The following CCDC178 variants were observed in gnomAD, a reference collection of about 807,000 sequenced individuals.
CCDC178 encodes the protein coiled-coil domain-containing protein 178.
Under a neutral mutation model 117.4 loss-of-function variants are expected in CCDC178, and 126 were observed. The observed-to-expected ratio is 1.07, with a 90% CI of 0.93 to 1.24. The LOEUF is 1.24. Ranked by LOEUF, CCDC178 falls within the 50% of genes most tolerant of loss-of-function variation. The pLI is 0.00. For synonymous variants in CCDC178, 283 were observed against 313.4 expected (o/e 0.90, Z 1.02); for missense variants, 1,030 against 986.9 (o/e 1.04, Z -0.59).
chr18:33,025,931 G>A (rs995789478), intron 21 of CCDC178, among the ~76,000 whole-genome samples: 6 of 151,996 alleles, frequency 3.9e-5, no homozygotes, highest in Non-Finnish European at 7.4e-5. Context: ...GTTTATAGGA[G>A]CTTTATTCAT....
chr18:33,297,892 A>T (rs1274524634), intron 11 of CCDC178, among the ~76,000 whole-genome samples: 3 of 152,066 alleles, frequency 2.0e-5, no homozygotes. Flanking sequence ...ATACAAAAAA[A>T]TTCGCCAGAC....
intron 11 of CCDC178, among the ~76,000 whole-genome samples, chr18:33,300,314 A>C (rs992540858): frequency 3.3e-5 from 5 of 152,212 alleles, no homozygotes; most frequent in African/African-American, 1.2e-4. Context: ...CAAATTACCC[A>C]GTCTCAGGTA....
chr18:33,420,909 A>G (rs1319905190), intron 2 of CCDC178, among the ~76,000 whole-genome samples: 1 of 152,234 alleles, frequency 6.6e-6, no homozygotes, highest in East Asian at 1.9e-4. Flanking sequence ...AATAACCTAT[A>G]TAAAAGAATA....
intron 20 of CCDC178, among the ~76,000 whole-genome samples, chr18:33,199,095 A>G (rs2058964858): frequency 1.3e-5 from 2 of 152,000 alleles, no homozygotes; most frequent in Non-Finnish European, 2.9e-5. Context: ...GCTATATTTT[A>G]TCCTTATTTC....
At chr18:33,094,820 C>T (rs1414069755) in intron 20 of CCDC178, among the ~76,000 whole-genome samples, 2 of 152,066 alleles carry the variant, frequency 1.3e-5, no homozygotes, top group African/African-American at 4.8e-5. Flanking sequence ...CAAAACGTTA[C>T]ATCAGTCACA....
chr18:32,971,234 T>C (rs1285956297), intron 22 of CCDC178, among the ~76,000 whole-genome samples: 1 of 151,942 alleles, frequency 6.6e-6, no homozygotes, highest in Non-Finnish European at 1.5e-5. Flanking sequence ...CCATGTGTTC[T>C]CATTGTTCAA....
intron 6 of CCDC178, 47 bp from the exon 7 acceptor site, chr18:33,356,393 A>T (rs2063058276): frequency 1.4e-6 from 2 of 1,409,656 alleles, no homozygotes; most frequent in African/African-American, 1.5e-5. Flanking sequence ...TAAACATATT[A>T]AAAAACTGAA....
chr18:33,218,782 G>T (rs2059197631), intron 18 of CCDC178, among the ~76,000 whole-genome samples: 1 of 152,044 alleles, frequency 6.6e-6, no homozygotes, highest in East Asian at 1.9e-4. Flanking sequence ...AATTATTTCT[G>T]AGGGCTCTGC....
At chr18:33,022,291 A>T (rs2056138333) in intron 21 of CCDC178, among the ~76,000 whole-genome samples, 12 of 152,182 alleles carry the variant, frequency 7.9e-5, no homozygotes, top group Admixed American at 7.9e-4. Context: ...AAGGAAGAAA[A>T]CTTAGAACGT....
intron 5 of CCDC178, among the ~76,000 whole-genome samples, chr18:33,381,214 A>G (rs2063435180): frequency 6.6e-6 from 1 of 152,144 alleles, no homozygotes; most frequent in South Asian, 2.1e-4. Flanking sequence ...AGCCTGAACA[A>G]TAGTAATAAG....
At chr18:33,004,167 A>G (rs1301194346) in intron 21 of CCDC178, among the ~76,000 whole-genome samples, 1 of 152,192 alleles carries the variant, frequency 6.6e-6, no homozygotes, top group East Asian at 1.9e-4. Flanking sequence ...GAAATAGAAA[A>G]AACAATCCTA....
chr18:32,986,827 T>C (rs903609264), intron 21 of CCDC178, among the ~76,000 whole-genome samples: 5 of 152,084 alleles, frequency 3.3e-5, no homozygotes, highest in Admixed American at 2.6e-4. Context: ...CAATATTATG[T>C]ATGTCTGAAG....
chr18:33,202,341 C>T (rs1456796965), intron 20 of CCDC178, among the ~76,000 whole-genome samples: 1 of 131,392 alleles, frequency 7.6e-6, no homozygotes, highest in African/African-American at 2.8e-5. Context: ...TGCAGTGAGC[C>T]GAGATCGCGC....
At chr18:33,357,707 T>A (rs2063075065) in intron 6 of CCDC178, among the ~76,000 whole-genome samples, 1 of 152,066 alleles carries the variant, frequency 6.6e-6, no homozygotes, top group African/African-American at 2.4e-5. Context: ...AACCAGAATG[T>A]TACAGGTTTC....
intron 21 of CCDC178, among the ~76,000 whole-genome samples, chr18:33,049,258 G>A (rs1048012340): frequency 2.6e-5 from 4 of 152,064 alleles, no homozygotes; most frequent in East Asian, 3.9e-4. Context: ...AACATATTGA[G>A]AAACTATAAT....
chr18:33,072,340 GA>G (rs1276991009), intron 21 of CCDC178, among the ~76,000 whole-genome samples: 1 of 152,122 alleles, frequency 6.6e-6, no homozygotes, highest in East Asian at 1.9e-4. Flanking sequence ...ATAAATCGAA[GA>G]GAGTCCCCAT....
chr18:33,217,542 A>G (rs2059181343), intron 18 of CCDC178, among the ~76,000 whole-genome samples: 1 of 151,720 alleles, frequency 6.6e-6, no homozygotes, highest in Non-Finnish European at 1.5e-5. Context: ...TTTTTTTTAA[A>G]TCAAAATCAT....
chr18:33,407,703 A>T (rs997776255), intron 3 of CCDC178, among the ~76,000 whole-genome samples: 4 of 152,042 alleles, frequency 2.6e-5, no homozygotes, highest in Non-Finnish European at 5.9e-5. Flanking sequence ...ATAGATTTTT[A>T]AAAGAAAAAA....
chr18:33,387,314 A>T (rs2063505958), intron 5 of CCDC178, among the ~76,000 whole-genome samples: 1 of 152,210 alleles, frequency 6.6e-6, no homozygotes, highest in Non-Finnish European at 1.5e-5. Context: ...TACTATTTCC[A>T]TTAAACTACC....
Sources: gnomAD v4.1 joint callset for allele counts (sites outside exome capture counted in the v4.1 genomes callset) on GRCh38, gnomAD v4.1.1 for gene constraint, MANE v1.5 for transcripts, NCBI Gene and HGNC (gene_info 2026-07-23, HGNC 2026-07-21) for gene names.